NLRP14: variants seen among roughly 807,000 people sequenced by gnomAD.
NLRP14 encodes the protein NLR family pyrin domain containing 14.
NLRP14 carries 105 observed loss-of-function variants against 94.7 expected under a neutral mutation model. That is an observed-to-expected ratio of 1.11 (90% CI 0.95 to 1.30). NLRP14 has a LOEUF of 1.30. Among genes scored for constraint, NLRP14 ranks in the 50% most tolerant of loss-of-function variants. The pLI, the probability that NLRP14 is intolerant of heterozygous loss-of-function variation, is 0.00. For synonymous variants in NLRP14, 508 were observed against 459.9 expected, an observed-to-expected ratio of 1.10 and a Z score of -1.34; for missense variants, 1,362 against 1,254.1, an observed-to-expected ratio of 1.09 and a Z score of -1.30.
the NLRP14 span, among the ~76,000 whole-genome samples, chr11:7,079,136 G>A: frequency 6.6e-6 from 1 of 152,196 alleles, no homozygotes; most frequent in Admixed American, 6.5e-5. Context: ...AGATTTTCTG[G>A]GGGGCCAGAG....
rs563750659 is a variant in NLRP14, at chr11:7,033,846, GTCCC to G, written c.-21-4717_-21-4714del. On this transcript the variant is annotated intron_variant, in intron 1 of 11. Transcript: ENST00000299481. ...GTACTAGTCAGGTAATTTGTATCAT[GTCCC>G]TCACTTTGTTTTTTCTTATGGCTAG... is the stretch of plus-strand genomic sequence containing the variant. Among the ~76,000 whole-genome samples the G allele has an allele frequency of 3.7e-3, 567 of 152,294 alleles. 5 individuals are homozygous for G. The highest frequency in any genetic ancestry group is 0.013 in the African/African-American group (536 of 41,572).
At chr11:7,064,378 G>T (rs1852673870) in intron 10 of NLRP14, among the ~76,000 whole-genome samples, 1 of 152,078 alleles carries the variant, frequency 6.6e-6, no homozygotes. Flanking sequence ...CAGTCTGTCA[G>T]CTGCAGTTGC....
intron 1 of NLRP14, among the ~76,000 whole-genome samples, chr11:7,031,210 G>A (rs1046328316): frequency 6.6e-6 from 1 of 152,192 alleles, no homozygotes; most frequent in African/African-American, 2.4e-5. Context: ...TGCCACCGAC[G>A]CCTGGTGAGA....
At position 7,038,858 on chromosome 11, in the gene NLRP14, C is replaced by A; in HGVS notation, c.272C>A (p.Ala91Glu). The change falls in exon 2 of 12, where the codon GCG becomes GAG. Residue 91 changes from alanine (A) to glutamate (E), a missense_variant. Transcript: ENST00000299481. ...AACCTGAAGGATCTGTGTGAGAGAG[C>A]GAAAGAAGAGATCAACTGTGAGTGA... ...KMNLKDLCERAKEEINWSAQT... is the reference protein window; with the variant it reads ...KMNLKDLCEREKEEINWSAQT... 4 of 1,612,898 alleles carry A rather than the reference C, an allele frequency of 2.5e-6. No homozygotes were observed. The highest frequency in any genetic ancestry group is 2.5e-6 in the Non-Finnish European group (3 of 1,179,780).
intron 1 of NLRP14, among the ~76,000 whole-genome samples, chr11:7,031,797 C>CT (rs1326930080): frequency 6.6e-6 from 1 of 152,198 alleles, no homozygotes; most frequent in Admixed American, 6.5e-5. Flanking sequence ...CTGAAAACTG[C>CT]TTTGCAGGTG....
intron 10 of NLRP14, among the ~76,000 whole-genome samples, chr11:7,069,387 G>A (rs1852757114): frequency 6.6e-6 from 1 of 152,184 alleles, no homozygotes; most frequent in Admixed American, 6.5e-5. Flanking sequence ...AATTGTTTAG[G>A]AGAATGTTAG....
At chr11:7,071,639 T>A (rs1852801758), downstream of NLRP14, among the ~76,000 whole-genome samples, 1 of 140,876 alleles carries the variant, frequency 7.1e-6, no homozygotes, top group Admixed American at 7.3e-5. Context: ...TGTTTTTTCC[T>A]TACTTCCACT....
At chr11:7,025,873 A>G (rs1229931352) in intron 1 of NLRP14, among the ~76,000 whole-genome samples, 4 of 152,188 alleles carry the variant, frequency 2.6e-5, no homozygotes, top group Admixed American at 6.6e-5. Flanking sequence ...GGAAAATTCA[A>G]TATTTGTGTT....
At chr11:7,048,506 T>G (rs751320926) in intron 5 of NLRP14, among the ~76,000 whole-genome samples, 13 of 152,190 alleles carry the variant, frequency 8.5e-5, no homozygotes, top group Non-Finnish European at 1.5e-4. Context: ...AAAATAGATG[T>G]TCTTTTGGGT....
chr11:7,031,259 A>C (rs1397628488), intron 1 of NLRP14, among the ~76,000 whole-genome samples: 1 of 152,162 alleles, frequency 6.6e-6, no homozygotes, highest in Non-Finnish European at 1.5e-5. Context: ...CTGGATGCGT[A>C]CTTTGTCCAC....
At chr11:7,071,011 A>G (rs1461429819) in intron 11 of NLRP14, among the ~76,000 whole-genome samples, 162 bp from the exon 12 acceptor site, 1 of 152,058 alleles carries the variant, frequency 6.6e-6, no homozygotes, top group Non-Finnish European at 1.5e-5. Context: ...CCCTCACTGT[A>G]TCTCTCTCAG....
chr11:7,043,029 A>G lies in NLRP14; in HGVS notation c.1003A>G (p.Arg335Gly), dbSNP rs902435083. The G allele has an allele frequency of 6.2e-7, 1 of 1,614,182 alleles. No individual in the cohort carries two copies. Among genetic ancestry groups the G allele is most frequent in the Non-Finnish European group, 8.5e-7 (1 of 1,180,004 alleles). Reference sequence around the variant, plus strand: ...GCTACTAGGAATGTCTGAGGATGCAAGAGAGGAGTATATTTACCAGTTTTT... The same window carrying G: ...GCTACTAGGAATGTCTGAGGATGCAGGAGAGGAGTATATTTACCAGTTTTT... ...VELLGMSEDA[R>G]EEYIYQFFED... Residue 335 changes from arginine to glycine, a missense_variant, in exon 4 of 12, where the codon AGA becomes GGA. By Grantham distance (125) the Arg-to-Gly change is moderately radical. Transcript: ENST00000299481.
At position 7,071,030 on chromosome 11, in the gene NLRP14, C is replaced by A. The variant is rs1376460469; in HGVS notation, c.3147-143C>A. On this transcript the variant is annotated intron_variant, in intron 11 of 11. Coordinates refer to ENST00000299481, the MANE Select transcript of NLRP14 (RefSeq NM_176822.4). Reference sequence around the variant, plus strand: ...CACTGTATCTCTCTCAGTTCGCTTCCCCACTCCTCACCCATGTTATAATAT... The same window carrying A: ...CACTGTATCTCTCTCAGTTCGCTTCACCACTCCTCACCCATGTTATAATAT... The A allele has an allele frequency of 8.2e-6, 7 of 849,416 alleles. No homozygotes were observed. The East Asian group carries it at 1.9e-4, about 23-fold the overall frequency. 52.6% of individuals were successfully genotyped at this position (849,416 alleles called of 1,614,324 possible). A position where few individuals can be genotyped will look rare whatever the true frequency, so the allele number is the denominator to read the frequency against.
In NLRP14 at chr11:7,020,753, C is replaced by T. The variant is rs1038491650; in HGVS notation, c.-39C>T. The T allele has an allele frequency of 2.6e-5, 4 of 152,318 alleles. No individual in the cohort carries two copies. Among genetic ancestry groups the T allele is most frequent in the Non-Finnish European group, 4.4e-5 (3 of 68,088 alleles). 9.4% of individuals were successfully genotyped at this position (152,318 alleles called of 1,614,324 possible). On this transcript the variant is annotated 5_prime_UTR_variant, in exon 1 of 12. Transcript: ENST00000299481. Reference sequence around the variant, plus strand: ...CCTCACTAGCCCTGGCACTAGCTAGCATCGCTCTAAACTCAAGGTTAGAGG... The same window carrying T: ...CCTCACTAGCCCTGGCACTAGCTAGTATCGCTCTAAACTCAAGGTTAGAGG...
the NLRP14 span, among the ~76,000 whole-genome samples, chr11:7,085,693 C>T: frequency 6.6e-6 from 1 of 152,174 alleles, no homozygotes; most frequent in Non-Finnish European, 1.5e-5. Flanking sequence ...TTGCATATAA[C>T]CTGTACATAT....
the NLRP14 span, chr11:7,089,722 C>T: frequency 7.8e-6 from 12 of 1,530,266 alleles, no homozygotes; most frequent in South Asian, 4.7e-5. Flanking sequence ...CCGCTGCCCC[C>T]GCGCCGCGAC....
At chr11:7,078,421 G>A in the NLRP14 span, among the ~76,000 whole-genome samples, 133 of 94,072 alleles carry the variant, frequency 1.4e-3, no homozygotes, top group Admixed American at 2.1e-3. Flanking sequence ...CTGGACGAAA[G>A]AGCGAGACTC....
chr11:7,058,488 T>C, intron 8 of NLRP14, 38 bp downstream of exon 8: 1 of 1,456,554 alleles, frequency 6.9e-7, no homozygotes, highest in Non-Finnish European at 9.6e-7. Context: ...ATATATATTG[T>C]ACATTTTGAA....
Position 7,039,586 on chromosome 11 carries a change from C to T in NLRP14, c.290-128C>T. The T allele has an allele frequency of 3.8e-6, 3 of 799,026 alleles. No individual in the cohort carries two copies. The South Asian group carries it at 4.1e-5, about 11-fold the overall frequency. 49.5% of individuals were successfully genotyped at this position (799,026 alleles called of 1,614,324 possible). A position where few individuals can be genotyped will look rare whatever the true frequency, so the allele number is the denominator to read the frequency against. The stretch of plus-strand genomic sequence containing the variant: ...TATGGAGTCTGAGGCTCTGGCAGCT[C>T]TAGTTTTCTTAAACCCAGATAGTCA... On this transcript the variant is annotated intron_variant, in intron 2 of 11. Coordinates refer to ENST00000299481, the MANE Select transcript of NLRP14 (RefSeq NM_176822.4).
Sources: gnomAD v4.1 joint callset for allele counts (sites outside exome capture counted in the v4.1 genomes callset) on GRCh38, gnomAD v4.1.1 for gene constraint, MANE v1.5 for transcripts, NCBI Gene and HGNC (gene_info 2026-07-23, HGNC 2026-07-21) for gene names.